The following EML1 variants were observed in gnomAD, a reference collection of about 807,000 sequenced individuals.
EML1 encodes EMAP like 1.
Under a neutral mutation model 110.4 loss-of-function variants are expected in EML1, and 27 were observed. That is an observed-to-expected ratio of 0.24 (90% CI 0.18 to 0.34). EML1 has a LOEUF of 0.34. EML1 is among the 10% of genes least tolerant of loss of function. The pLI is 1.00. For missense variants in EML1, 741 were observed against 1,030.9 expected, an observed-to-expected ratio of 0.72 and a Z score of 3.85; for synonymous variants, 344 against 385.8, an observed-to-expected ratio of 0.89 and a Z score of 1.27.
chr14:99,829,108 C>T (rs1030509403), intron 1 of EML1, among the ~76,000 whole-genome samples: 13 of 152,212 alleles, frequency 8.5e-5, no homozygotes, highest in African/African-American at 3.1e-4. Context: ...TGGAATGTAT[C>T]TCCTGTGGTT....
intron 1 of EML1, among the ~76,000 whole-genome samples, chr14:99,831,495 C>A (rs138419774): frequency 2.5e-3 from 383 of 152,284 alleles, no homozygotes; most frequent in African/African-American, 9.1e-3. Context: ...TGGAATCTGG[C>A]ATCAGGAATT....
intron 2 of EML1, among the ~76,000 whole-genome samples, chr14:99,863,040 C>T (rs758888644): frequency 1.3e-5 from 2 of 152,156 alleles, no homozygotes; most frequent in Admixed American, 6.5e-5. Flanking sequence ...GGTTCATTCC[C>T]GCCATCTGCC....
chr14:99,850,308 A>T (rs2058774375), intron 1 of EML1: 1 of 1,288,928 alleles, frequency 7.8e-7, no homozygotes, highest in African/African-American at 1.5e-5. Flanking sequence ...AGACCCTGAT[A>T]AGGAGTTGGA....
intron 1 of EML1, among the ~76,000 whole-genome samples, chr14:99,766,753 T>C (rs948823451): frequency 5.9e-5 from 9 of 152,322 alleles, no homozygotes; most frequent in African/African-American, 1.9e-4. Context: ...GGATAAATGT[T>C]TAAAATTTAA....
At chr14:99,786,756 T>A (rs1595278928) in intron 1 of EML1, among the ~76,000 whole-genome samples, 1 of 152,322 alleles carries the variant, frequency 6.6e-6, no homozygotes, top group Middle Eastern at 3.4e-3. Context: ...TGACTTGAAG[T>A]TCGTGCCAAG....
At chr14:99,851,070 A>G (rs1462543375) in intron 2 of EML1, 35 bp downstream of exon 2, 7 of 1,587,182 alleles carry the variant, frequency 4.4e-6, no homozygotes, top group South Asian at 1.1e-5. Context: ...CTTCAGTAGA[A>G]TTGGTCTCGT....
intron 1 of EML1, among the ~76,000 whole-genome samples, chr14:99,765,802 C>T (rs1333698645): frequency 6.6e-6 from 1 of 151,858 alleles, no homozygotes; most frequent in African/African-American, 2.4e-5. Flanking sequence ...ACATGGTTTC[C>T]ACATGTTTAT....
chr14:99,892,860 G>A (rs1002209512), intron 5 of EML1, among the ~76,000 whole-genome samples: 3 of 152,118 alleles, frequency 2.0e-5, no homozygotes, highest in African/African-American at 7.2e-5. Context: ...TACATTCTGC[G>A]AGCTTTCTGG....
At chr14:99,866,630 ATTG>A (rs1171922608) in intron 3 of EML1, among the ~76,000 whole-genome samples, 2 of 150,460 alleles carry the variant, frequency 1.3e-5, no homozygotes, top group African/African-American at 4.9e-5. Context: ...TCACGCATCT[ATTG>A]TTGTGCAACA....
chr14:99,859,099 TATC>T (rs2058956366), intron 2 of EML1, among the ~76,000 whole-genome samples: 1 of 152,240 alleles, frequency 6.6e-6, no homozygotes, highest in South Asian at 2.1e-4. Flanking sequence ...GAAAATATAT[TATC>T]ATGGATAGTG....
intron 17 of EML1, among the ~76,000 whole-genome samples, chr14:99,925,867 G>A (rs1433629440): frequency 6.6e-6 from 1 of 152,134 alleles, no homozygotes; most frequent in African/African-American, 2.4e-5. Flanking sequence ...GTAACCTCAA[G>A]CCAGTAGAAA....
chr14:99,800,143 C>T (rs1317068163), intron 1 of EML1, among the ~76,000 whole-genome samples: 7 of 152,158 alleles, frequency 4.6e-5, no homozygotes, highest in African/African-American at 1.7e-4. Flanking sequence ...TGATACCACC[C>T]GTCACCCCCA....
chr14:99,802,815 A>G (rs1488522666), intron 1 of EML1, among the ~76,000 whole-genome samples: 2 of 152,052 alleles, frequency 1.3e-5, no homozygotes, highest in Non-Finnish European at 2.9e-5. Context: ...AATGGGATCC[A>G]TGGGCACCGA....
chr14:99,837,570 G>A (rs2058559759), intron 1 of EML1, among the ~76,000 whole-genome samples: 1 of 152,134 alleles, frequency 6.6e-6, no homozygotes, highest in Non-Finnish European at 1.5e-5. Context: ...CTTTCCTTTA[G>A]ATTCTAACCT....
At chr14:99,767,918 C>CG (rs1452436445) in intron 1 of EML1, among the ~76,000 whole-genome samples, 1 of 152,136 alleles carries the variant, frequency 6.6e-6, no homozygotes, top group African/African-American at 2.4e-5. Flanking sequence ...TGAACACCCC[C>CG]CACACTACTT....
At chr14:99,907,863 A>C in intron 10 of EML1, 130 bp downstream of exon 10, 1 of 776,520 alleles carries the variant, frequency 1.3e-6, no homozygotes, top group Non-Finnish European at 2.1e-6. Context: ...TCACCTTAGA[A>C]TCGTTTGGCC....
At chr14:99,930,589 CCAGT>C (rs1424367459) in intron 17 of EML1, among the ~76,000 whole-genome samples, 2 of 152,168 alleles carry the variant, frequency 1.3e-5, no homozygotes, top group Admixed American at 6.6e-5. Flanking sequence ...TTTATCACAA[CCAGT>C]CAGCTAAGTG....
chr14:99,795,807 G>A (rs564378265), intron 1 of EML1, among the ~76,000 whole-genome samples: 22 of 152,270 alleles, frequency 1.4e-4, no homozygotes, highest in African/African-American at 5.1e-4. Flanking sequence ...CATATGTTCA[G>A]TATGCGTCAT....
At chr14:99,819,557 G>A (rs929187853) in intron 1 of EML1, among the ~76,000 whole-genome samples, 7 of 152,174 alleles carry the variant, frequency 4.6e-5, no homozygotes, top group Non-Finnish European at 8.8e-5. Flanking sequence ...TGGCCACGAC[G>A]GAAATGATGT....
Sources: gnomAD v4.1 joint callset for allele counts (sites outside exome capture counted in the v4.1 genomes callset) on GRCh38, gnomAD v4.1.1 for gene constraint, MANE v1.5 for transcripts, NCBI Gene and HGNC (gene_info 2026-07-23, HGNC 2026-07-21) for gene names.